Variants in LRRC4C observed in about 807,000 individuals in gnomAD.
The protein encoded by LRRC4C is leucine-rich repeat-containing protein 4C.
LRRC4C carries 5 observed loss-of-function variants against 33.6 expected under a neutral mutation model. That is an observed-to-expected ratio of 0.15 (90% CI 0.08 to 0.31). LRRC4C has a LOEUF of 0.31. Among genes scored for constraint, LRRC4C ranks in the 10% least tolerant of loss-of-function variants. The pLI is 1.00. For missense variants in LRRC4C, 560 were observed against 796.7 expected (o/e 0.70, Z 3.58); for synonymous variants, 329 against 302.0 (o/e 1.09, Z -0.93).
chr11:41,387,182 T>G (rs1953394435), intron 1 of LRRC4C, among the ~76,000 whole-genome samples: 1 of 147,340 alleles, frequency 6.8e-6, no homozygotes, highest in South Asian at 2.2e-4. Flanking sequence ...ACATTACTTT[T>G]TAGGCAATGA....
intron 6 of LRRC4C, among the ~76,000 whole-genome samples, chr11:40,118,209 TAAC>T (rs1272262996): frequency 6.7e-6 from 1 of 148,198 alleles, no homozygotes; most frequent in Non-Finnish European, 1.5e-5. Flanking sequence ...AAGTATGAAA[TAAC>T]AAATATAATT....
chr11:40,664,493 C>T (rs904947946), intron 2 of LRRC4C, among the ~76,000 whole-genome samples: 16 of 150,596 alleles, frequency 1.1e-4, no homozygotes, highest in South Asian at 6.3e-4. Context: ...TGCAGTGAGC[C>T]GAGATCACAC....
intron 2 of LRRC4C, among the ~76,000 whole-genome samples, chr11:40,870,971 T>C (rs1485352761): frequency 6.6e-6 from 1 of 152,176 alleles, no homozygotes; most frequent in Non-Finnish European, 1.5e-5. Flanking sequence ...AAGAGAATGC[T>C]TCCCTGAGGG....
intron 5 of LRRC4C, among the ~76,000 whole-genome samples, chr11:40,196,811 A>G (rs147071584): frequency 1.8e-3 from 267 of 152,322 alleles, no homozygotes; most frequent in African/African-American, 6.2e-3. Context: ...AAATGTAATT[A>G]CAATCCTTTT....
At chr11:41,059,210 G>GTTGTTATT (rs71060994) in intron 1 of LRRC4C, among the ~76,000 whole-genome samples, 16 of 125,220 alleles carry the variant, frequency 1.3e-4, no homozygotes, top group Non-Finnish European at 2.6e-4. Flanking sequence ...TAAAATAAAA[G>GTTGTTATT]TTTTTTTTTT....
At chr11:40,876,265 T>TTTG (rs1954883179) in intron 2 of LRRC4C, among the ~76,000 whole-genome samples, 1 of 147,704 alleles carries the variant, frequency 6.8e-6, no homozygotes, top group African/African-American at 2.5e-5. Flanking sequence ...TTAGGGTTTT[T>TTTG]TTTTTTTTTT....
At chr11:41,214,691 A>G (rs2136336411) in intron 1 of LRRC4C, among the ~76,000 whole-genome samples, 1 of 148,396 alleles carries the variant, frequency 6.7e-6, no homozygotes, top group African/African-American at 2.5e-5. Context: ...AGGAGCTTGC[A>G]GTGAGCCGAG....
chr11:41,196,392 C>T (rs1946179827), intron 1 of LRRC4C, among the ~76,000 whole-genome samples: 1 of 152,014 alleles, frequency 6.6e-6, no homozygotes, highest in South Asian at 2.1e-4. Flanking sequence ...CACTCATCAA[C>T]ATAAGAGTAA....
At position 40,163,806 on chromosome 11, in the gene LRRC4C, C is replaced by G. The variant is rs1045117428; in HGVS notation, c.-95-22953G>C. Reference sequence around the variant, plus strand: ...CACTGAGTATGAATAGGATTTATAACTTGCTTTTGCAAAAGCAAGTTATAA... The same window carrying G: ...CACTGAGTATGAATAGGATTTATAAGTTGCTTTTGCAAAAGCAAGTTATAA... On this transcript the variant is annotated intron_variant, in intron 5 of 6. Transcript: ENST00000528697. Among the ~76,000 whole-genome samples the G allele has an allele frequency of 3.9e-5, 6 of 152,018 alleles. No homozygotes were observed. In the East Asian group the frequency reaches 1.2e-3, roughly 30 times the overall value.
At chr11:41,170,335 C>G (rs11036268) in intron 1 of LRRC4C, among the ~76,000 whole-genome samples, 4 of 152,112 alleles carry the variant, frequency 2.6e-5, no homozygotes, top group Non-Finnish European at 4.4e-5. Context: ...GGAGGCATCA[C>G]GCTACCTGAC....
In LRRC4C at chr11:40,795,761, T is replaced by C. The variant is rs149405072; in HGVS notation, c.-407+137874A>G. ...AGACGAAATATAATTGTCAAAAATTTCAAAAGATGTAAGAACTTACTTTGT... is the reference window on the plus strand; with the variant it reads ...AGACGAAATATAATTGTCAAAAATTCCAAAAGATGTAAGAACTTACTTTGT... On this transcript the variant is annotated intron_variant, in intron 2 of 6. Transcript: ENST00000528697. Among the ~76,000 whole-genome samples the C allele has an allele frequency of 3.7e-3, 569 of 152,244 alleles. 3 individuals carry two copies. Among genetic ancestry groups the C allele is most frequent in the African/African-American group, 0.013 (549 of 41,550 alleles).
At chr11:41,369,412 A>T (rs955587508) in intron 1 of LRRC4C, among the ~76,000 whole-genome samples, 1 of 152,122 alleles carries the variant, frequency 6.6e-6, no homozygotes, top group Admixed American at 6.6e-5. Context: ...GCAGGGAAAG[A>T]GGATCAGAAA....
intron 2 of LRRC4C, among the ~76,000 whole-genome samples, chr11:40,739,666 T>C (rs1244959102): frequency 1.3e-5 from 2 of 152,026 alleles, no homozygotes; most frequent in Non-Finnish European, 2.9e-5. Context: ...GTTCTTGTGA[T>C]ATTGAGTGAG....
chr11:40,294,871 C>T (rs1290633590), intron 4 of LRRC4C, among the ~76,000 whole-genome samples: 1 of 151,880 alleles, frequency 6.6e-6, no homozygotes, highest in Non-Finnish European at 1.5e-5. Context: ...AGAATAGGCT[C>T]ATCAGAAAGA....
At chr11:40,776,620 CT>C (rs1342127262) in intron 2 of LRRC4C, among the ~76,000 whole-genome samples, 1 of 151,952 alleles carries the variant, frequency 6.6e-6, no homozygotes, top group Non-Finnish European at 1.5e-5. Context: ...ATTTTTTTCT[CT>C]TTTTTTGTCA....
intron 3 of LRRC4C, among the ~76,000 whole-genome samples, chr11:40,486,801 T>TC (rs1953885883): frequency 6.6e-6 from 1 of 152,096 alleles, no homozygotes; most frequent in Non-Finnish European, 1.5e-5. Flanking sequence ...TTGTACATTT[T>TC]CATAATAAAA....
chr11:41,341,434 T>C (rs1298656986), intron 1 of LRRC4C, among the ~76,000 whole-genome samples: 1 of 152,204 alleles, frequency 6.6e-6, no homozygotes, highest in African/African-American at 2.4e-5. Context: ...TCACCAATTG[T>C]AGTAATTTAA....
At chr11:41,304,328 G>A (rs1405890948) in intron 1 of LRRC4C, among the ~76,000 whole-genome samples, 2 of 108,392 alleles carry the variant, frequency 1.8e-5, no homozygotes, top group East Asian at 3.3e-4. Context: ...CCGGCCAGCC[G>A]CCCCGTCCGG....
chr11:40,341,112 C>T (rs140035986), intron 3 of LRRC4C, among the ~76,000 whole-genome samples: 5 of 152,238 alleles, frequency 3.3e-5, no homozygotes, highest in East Asian at 1.9e-4. Flanking sequence ...AACCCTAAAA[C>T]GAAGTGATGT....
Sources: allele counts gnomAD v4.1 joint callset (sites outside exome capture counted in the v4.1 genomes callset), GRCh38; gene constraint gnomAD v4.1.1; transcripts MANE v1.5; gene names NCBI Gene and HGNC (gene_info 2026-07-23, HGNC 2026-07-21).